Variants in MFRP observed in about 807,000 individuals in gnomAD.
MFRP encodes the protein C1q and TNF related 5.
A neutral mutation model predicts 65.8 loss-of-function variants in MFRP; 74 were observed. The ratio of observed to expected loss-of-function variants is 1.12; its 90% CI spans 0.93 to 1.36. The LOEUF is 1.36. Ranked by LOEUF, MFRP falls within the 40% of genes most tolerant of loss-of-function variation. The probability of loss-of-function intolerance (pLI) is 0.00; values close to 1 mark genes in which losing one functional copy is unlikely to be tolerated. For synonymous variants in MFRP, 336 were observed against 288.3 expected, an observed-to-expected ratio of 1.17 and a Z score of -1.68; for missense variants, 838 against 736.0, an observed-to-expected ratio of 1.14 and a Z score of -1.60.
Position 119,344,654 on chromosome 11 carries a change from G to C in MFRP, c.876C>G (p.Thr292=). The change falls in exon 7 of 15, where the codon ACC becomes ACG. Residue 292 remains threonine (T), a synonymous_variant. Coordinates refer to ENST00000619721, the MANE Select transcript of MFRP (RefSeq NM_031433.4). ...TACCCGAGAACTTGGCACTGCAATT[G>C]GTCTCATCACTGCCGTCAGCACAGT... is the stretch of plus-strand genomic sequence containing the variant. ...FANCADGSDE[T]NCSAKFSGCG... 1 of 1,614,034 alleles carries C rather than the reference G, an allele frequency of 6.2e-7. No homozygotes were observed. Among genetic ancestry groups the C allele is most frequent in the Non-Finnish European group, 8.5e-7 (1 of 1,180,024 alleles).
In MFRP at chr11:119,339,867, G is replaced by C. The variant is rs774210596; in HGVS notation, c.*1111-19C>G. 1.4e-6 allele frequency: 2 copies of C among 1,457,554 alleles called. No homozygotes were observed. Among genetic ancestry groups the C allele is most frequent in the Middle Eastern group, 2.5e-4 (1 of 4,058 alleles). 90.3% of individuals were successfully genotyped at this position (1,457,554 alleles called of 1,614,324 possible). A position where few individuals can be genotyped will look rare whatever the true frequency, so the allele number is the denominator to read the frequency against. On this transcript the variant is annotated intron_variant, in intron 14 of 14. Transcript: ENST00000619721. The surrounding 1 kb of genome is among the most constrained non-coding windows in gnomAD (Gnocchi z 5.4). Reference sequence around the variant, plus strand: ...GGCAGTCCTGCGGGGTAAGCGGGGCGGCAGGGTGAGAGTAGCGGCGGCTCA... The same window carrying C: ...GGCAGTCCTGCGGGGTAAGCGGGGCCGCAGGGTGAGAGTAGCGGCGGCTCA...
At chr11:119,344,437 T>C (rs764608314) in intron 7 of MFRP, 46 bp from the exon 8 acceptor site, 78 of 1,584,208 alleles carry the variant, frequency 4.9e-5, no homozygotes, top group Admixed American at 1.2e-4. Context: ...GATCTGTGCC[T>C]CCATCCAATA....
intron 4 of MFRP, 60 bp from the exon 5 acceptor site, chr11:119,345,693 G>T (rs546706818): frequency 8.7e-6 from 14 of 1,611,942 alleles, no homozygotes; most frequent in Admixed American, 1.7e-5. Flanking sequence ...TATTCTCAAG[G>T]TGCCTCTTCC....
In MFRP at chr11:119,345,474, G is replaced by A. The variant is rs752088544; in HGVS notation, c.587C>T (p.Ser196Phe). Reference protein sequence around the residue: ...IEALSIESVASCLFDRLELSP... With the variant: ...IEALSIESVAFCLFDRLELSP... ...GAGTTCCAAGCGATCAAAAAGGCAA[G>A]AGGCCACACTCTCTATGCTGAGGGC... Residue 196 changes from serine (S) to phenylalanine (F), a missense_variant, in exon 5 of 15, where the codon TCT (serine) becomes TTT (phenylalanine). By Grantham distance (155) the Ser-to-Phe change is radical (BLOSUM62 -2). Transcript: ENST00000619721. The A allele has an allele frequency of 5.6e-6, 9 of 1,613,980 alleles. No individual in the cohort carries two copies. In the South Asian group the frequency reaches 8.8e-5, roughly 16 times the overall value.
In MFRP at chr11:119,346,597, G is replaced by T; in HGVS notation, c.-84C>A. Reference sequence around the variant, plus strand: ...CCCACTCGCTGACCACAAACTCCCTGTCAGAGGGGCAGCCTCTACTACCCG... The same window carrying T: ...CCCACTCGCTGACCACAAACTCCCTTTCAGAGGGGCAGCCTCTACTACCCG... On this transcript the variant is annotated 5_prime_UTR_variant, in exon 1 of 15. Transcript: ENST00000619721. 1 of 1,405,930 alleles carries T rather than the reference G, an allele frequency of 7.1e-7. No individual in the cohort carries two copies. The highest frequency in any genetic ancestry group is 1.0e-6 in the Non-Finnish European group (1 of 993,652). 87.1% of individuals were successfully genotyped at this position (1,405,930 alleles called of 1,614,324 possible).
chr11:119,346,426 G>A, intron 1 of MFRP, 34 bp downstream of exon 1: 1 of 1,613,328 alleles, frequency 6.2e-7, no homozygotes, highest in East Asian at 2.2e-5. Flanking sequence ...CACTGGTGCT[G>A]GGTCTTAGGA....
At chr11:119,345,662 G>A (rs1208508109) in intron 4 of MFRP, 29 bp from the exon 5 acceptor site, 15 of 1,612,702 alleles carry the variant, frequency 9.3e-6, no homozygotes, top group Non-Finnish European at 1.3e-5. Context: ...GAGTTCAGAG[G>A]TCAAAAGGAG....
rs1011833093 is a variant in MFRP at position 119,342,996 on chromosome 11, C to T, written c.1132G>A (p.Gly378Arg). The stretch of plus-strand genomic sequence containing the variant: ...ACGAGGTGGGGGGGTGGCTCTGCTC[C>T]ACAGAACCTGCCCAAAGCAGACAGC... ...GAFSLLGRFC[G>R]AEPPPHLVSS... The change falls in exon 10 of 15, where the codon GGA (glycine) becomes AGA (arginine). Residue 378 changes from glycine (G) to arginine (R), a missense_variant. Physicochemically the swap from Gly to Arg is moderately radical, Grantham distance 125. Coordinates refer to ENST00000619721, the MANE Select transcript of MFRP (RefSeq NM_031433.4). 1.6e-5 allele frequency: 26 copies of T among 1,603,938 alleles called. No individual in the cohort carries two copies. The highest frequency in any genetic ancestry group is 2.0e-5 in the Non-Finnish European group (24 of 1,176,364).
rs1950558966 is a variant in MFRP at position 119,345,818 on chromosome 11, G to A, written c.382C>T (p.Pro128Ser). 3 of 1,613,850 alleles carry A rather than the reference G, an allele frequency of 1.9e-6. No homozygotes were observed. Residue 128 changes from proline (P) to serine (S), a missense_variant, in exon 4 of 15, where the codon CCT becomes TCT. By Grantham distance (74) the Pro-to-Ser change is moderately conservative. Coordinates refer to ENST00000619721, the MANE Select transcript of MFRP (RefSeq NM_031433.4). The part of the protein sequence containing the change: ...TITTSQAAGT[P>S]KGQQESGVSP... ...ACGCCTGACTCCTGCTGCCCTTTAG[G>A]GGTCCCAGCTGCCTGAGAGGTGGTG...
rs1135258 is a variant in MFRP, at chr11:119,339,873, G to T, written c.*1111-25C>A. Reference sequence around the variant, plus strand: ...CCTGCGGGGTAAGCGGGGCGGCAGGGTGAGAGTAGCGGCGGCTCAGCCCGC... The same window carrying T: ...CCTGCGGGGTAAGCGGGGCGGCAGGTTGAGAGTAGCGGCGGCTCAGCCCGC... On this transcript the variant is annotated intron_variant, in intron 14 of 14. Transcript: ENST00000619721. The surrounding 1 kb of genome is among the most constrained non-coding windows in gnomAD (Gnocchi z 5.4). The T allele has an allele frequency of 0.43, 625,622 of 1,447,874 alleles. 139,868 individuals carry two copies. Among genetic ancestry groups the T allele is most frequent in the Admixed American group, 0.48 (17,840 of 37,004 alleles). The allele number at this position is 1,447,874 out of a possible 1,614,324, so 89.7% of individuals were successfully genotyped here.
At position 119,342,722 on chromosome 11, in the gene MFRP, A is replaced by C; in HGVS notation, c.1261T>G (p.Cys421Gly). 1 of 1,613,518 alleles carries C rather than the reference A, an allele frequency of 6.2e-7. No homozygotes were observed. The highest frequency in any genetic ancestry group is 8.5e-7 in the Non-Finnish European group (1 of 1,179,926). ...TGGCAGGAGAGCTCACTGGGCCCACAGGGGTCTGCAGGCACAAGGGGCATG... is the reference window on the plus strand; with the variant it reads ...TGGCAGGAGAGCTCACTGGGCCCACCGGGGTCTGCAGGCACAAGGGGCATG... ...YLAFNATENP[C>G]GPSELSCQAG... The change falls in exon 11 of 15, where the codon TGT becomes GGT. Residue 421 changes from cysteine to glycine, a missense_variant. Cys to Gly is a radical substitution (Grantham distance 159). Transcript: ENST00000619721.
At position 119,341,933 on chromosome 11, in the gene MFRP, T is replaced by G. The variant is rs769190278; in HGVS notation, c.1439A>C (p.Asn480Thr). 3 of 1,613,884 alleles carry G rather than the reference T, an allele frequency of 1.9e-6. No homozygotes were observed. The highest frequency in any genetic ancestry group is 2.5e-6 in the Non-Finnish European group (3 of 1,179,996). Residue 480 changes from asparagine (N) to threonine (T), a missense_variant, in exon 12 of 15, where the codon AAC (asparagine) becomes ACC (threonine). Coordinates refer to ENST00000619721, the MANE Select transcript of MFRP (RefSeq NM_031433.4). Reference protein sequence around the residue: ...QVEMCLGLSYNTTAFPNIWVG... With the variant: ...QVEMCLGLSYTTTAFPNIWVG... ...CCAGATGTTAGGGAAGGCTGTGGTG[T>G]TGTAGCTCAGACCGAGGCACATCTC...
intron 8 of MFRP, among the ~76,000 whole-genome samples, 171 bp downstream of exon 8, chr11:119,344,144 C>T (rs1591304506): frequency 6.6e-6 from 1 of 152,038 alleles, no homozygotes. Flanking sequence ...AGTGTGGGAA[C>T]ATCTGGGTAC....
In MFRP at chr11:119,346,100, G is replaced by T; in HGVS notation, c.217C>A (p.Leu73Ile). ...CRFSWLCVLL[L>I]SSLLLLLLGL... ...AGCAGCAGGAGGAGCAGGCTGGAGA[G>T]CAGGAGGACACAGAGCCAGGAGAAG... The change falls in exon 3 of 15, where the codon CTC becomes ATC. Residue 73 changes from leucine to isoleucine, a missense_variant. By Grantham distance (5) the Leu-to-Ile change is conservative. Coordinates refer to ENST00000619721, the MANE Select transcript of MFRP (RefSeq NM_031433.4). The T allele has an allele frequency of 6.2e-7, 1 of 1,608,688 alleles. No individual in the cohort carries two copies.
At position 119,339,918 on chromosome 11, in the gene MFRP, G is replaced by T; in HGVS notation, c.*1111-70C>A. 11 of 1,422,660 alleles carry T rather than the reference G, an allele frequency of 7.7e-6. No homozygotes were observed. The highest frequency in any genetic ancestry group is 9.1e-6 in the Non-Finnish European group (10 of 1,094,202). The allele number at this position is 1,422,660 out of a possible 1,614,324, so 88.1% of individuals were successfully genotyped here. On this transcript the variant is annotated intron_variant, in intron 14 of 14. Coordinates refer to ENST00000619721, the MANE Select transcript of MFRP (RefSeq NM_031433.4). The surrounding 1 kb of genome is among the most constrained non-coding windows in gnomAD (Gnocchi z 5.4). ...GCCCGCAGCGGGGCGGCGACTCTAA[G>T]GTCACCGTACCCCTCCCCGCCCCTG...
At chr11:119,344,003 C>G in intron 8 of MFRP, 39 bp from the exon 9 acceptor site, 2 of 1,608,582 alleles carry the variant, frequency 1.2e-6, no homozygotes, top group Middle Eastern at 1.7e-4. Context: ...ATGGCCCCTT[C>G]TCCTGTCTCA....
Position 119,346,126 on chromosome 11 carries a change from C to T in MFRP, c.191G>A (p.Arg64His), listed in dbSNP as rs149376662. 9.8e-4 allele frequency: 1,568 copies of T among 1,603,600 alleles called. 15 individuals are homozygous for T. Among genetic ancestry groups the T allele is most frequent in the East Asian group, 5.0e-3 (223 of 44,586 alleles). ...CAGGAGGACACAGAGCCAGGAGAAGCGGCAGTCTGGCCGTAGCCCTCGAGG... is the reference window on the plus strand; with the variant it reads ...CAGGAGGACACAGAGCCAGGAGAAGTGGCAGTCTGGCCGTAGCCCTCGAGG... The part of the protein sequence containing the change: ...RRPRGLRPDC[R>H]FSWLCVLLLS... The change falls in exon 3 of 15, where the codon CGC becomes CAC. Residue 64 changes from arginine to histidine, a missense_variant. By Grantham distance (29) the Arg-to-His change is conservative. Coordinates refer to ENST00000619721, the MANE Select transcript of MFRP (RefSeq NM_031433.4).
In MFRP at chr11:119,339,776, C is replaced by T; in HGVS notation, c.*1183G>A. 6.5e-7 allele frequency: 1 copy of T among 1,542,484 alleles called. No homozygotes were observed. The highest frequency in any genetic ancestry group is 1.4e-5 in the African/African-American group (1 of 73,614). On this transcript the variant is annotated 3_prime_UTR_variant, in exon 15 of 15. Transcript: ENST00000619721. This position sits in a 1 kb window ranked among gnomAD's most constrained non-coding sequence, Gnocchi z 5.4. ...GGATCGCGGAGGCACCGAGCACTCC[C>T]CGGCAGGCCCGGTGGGCCCCGCGGG... is the stretch of plus-strand genomic sequence containing the variant.
Position 119,339,201 on chromosome 11 carries a change from G to A in MFRP, c.*1758C>T. ...CCCATTCCTTGCCAGCAGCAGGACG[G>A]AGAGTGCTCTACCCCACCTCCCTAG... On this transcript the variant is annotated 3_prime_UTR_variant, in exon 15 of 15. Transcript: ENST00000619721. This position sits in a 1 kb window ranked among gnomAD's most constrained non-coding sequence, Gnocchi z 5.4. The A allele has an allele frequency of 9.7e-7, 1 of 1,034,288 alleles. No individual in the cohort carries two copies. Among genetic ancestry groups the A allele is most frequent in the Non-Finnish European group, 1.4e-6 (1 of 716,788 alleles). The allele number at this position is 1,034,288 out of a possible 1,614,324, so 64.1% of individuals were successfully genotyped here. A position where few individuals can be genotyped will look rare whatever the true frequency, so the allele number is the denominator to read the frequency against.
Sources: gnomAD v4.1 joint callset for allele counts (sites outside exome capture counted in the v4.1 genomes callset) on GRCh38, gnomAD v4.1.1 for gene constraint, Gnocchi (gnomAD v3.1) non-coding constraint, MANE v1.5 for transcripts, NCBI Gene and HGNC (gene_info 2026-07-23, HGNC 2026-07-21) for gene names.